Variants in CBL observed in about 807,000 individuals in gnomAD.
CBL encodes the protein Cbl proto-oncogene.
CBL carries 45 observed loss-of-function variants against 96.9 expected under a neutral mutation model. The ratio of observed to expected loss-of-function variants is 0.46; its 90% CI spans 0.37 to 0.60. The LOEUF (loss-of-function observed/expected upper bound fraction) is 0.60. Ranked by LOEUF, CBL falls within the 20% of genes least tolerant of loss-of-function variation. The probability of loss-of-function intolerance (pLI) is 0.00; values close to 1 mark genes in which losing one functional copy is unlikely to be tolerated. For synonymous variants in CBL, 420 were observed against 426.8 expected (o/e 0.98, Z 0.20); for missense variants, 1,024 against 1,143.5 (o/e 0.90, Z 1.51).
intron 1 of CBL, among the ~76,000 whole-genome samples, chr11:119,227,489 T>A (rs1487086607): frequency 1.3e-5 from 2 of 152,126 alleles, no homozygotes; most frequent in Non-Finnish European, 2.9e-5. Flanking sequence ...CCTTATCTAC[T>A]AGTCACCCAG....
In CBL at chr11:119,300,872, A is replaced by G. The variant is rs1179667791; in HGVS notation, c.*1091A>G. The G allele has an allele frequency of 1.0e-5, 3 of 297,964 alleles. No homozygotes were observed. Among genetic ancestry groups the G allele is most frequent in the African/African-American group, 2.1e-5 (1 of 47,082 alleles). 18.5% of individuals were successfully genotyped at this position (297,964 alleles called of 1,614,324 possible). A position where few individuals can be genotyped will look rare whatever the true frequency, so the allele number is the denominator to read the frequency against. On this transcript the variant is annotated 3_prime_UTR_variant, in exon 16 of 16. Transcript: ENST00000264033. Reference sequence around the variant, plus strand: ...TTTTAGGAAGCTTCGTTCACATGCTATTTAAATGCACAAAATAGACAGTAA... The same window carrying G: ...TTTTAGGAAGCTTCGTTCACATGCTGTTTAAATGCACAAAATAGACAGTAA...
chr11:119,234,310 C>T lies in CBL; in HGVS notation c.443+1615C>T, dbSNP rs566762126. Among the ~76,000 whole-genome samples the T allele has an allele frequency of 5.9e-5, 9 of 152,216 alleles. No individual in the cohort carries two copies. The East Asian group carries it at 1.7e-3, about 29-fold the overall frequency. ...TGAGAGCCACTTCAGCTGGCCTGTCCATCTTTTCTTAAAAAGATTCTGAGT... is the reference window on the plus strand; with the variant it reads ...TGAGAGCCACTTCAGCTGGCCTGTCTATCTTTTCTTAAAAAGATTCTGAGT... On this transcript the variant is annotated intron_variant, in intron 2 of 15. Transcript: ENST00000264033.
Position 119,307,834 on chromosome 11 carries a change from A to AT in CBL, c.*8057dup, listed in dbSNP as rs1950160176. 4.8e-6 allele frequency: 1 copy of AT among 209,100 alleles called. No individual in the cohort carries two copies. The highest frequency in any genetic ancestry group is 5.9e-5 in the Admixed American group (1 of 16,912). The allele number at this position is 209,100 out of a possible 1,614,324, so 13.0% of individuals were successfully genotyped here. On this transcript the variant is annotated 3_prime_UTR_variant, in exon 16 of 16. Transcript: ENST00000264033. ...AAAACAAAACAAACACATAGGTGAGATTTTCGTGGACTATTTTAAAAATGT... is the reference window on the plus strand; with the variant it reads ...AAAACAAAACAAACACATAGGTGAGATTTTTCGTGGACTATTTTAAAAATGT...
At chr11:119,231,456 A>G (rs1324748829) in intron 1 of CBL, among the ~76,000 whole-genome samples, 1 of 151,132 alleles carries the variant, frequency 6.6e-6, no homozygotes, top group Non-Finnish European at 1.5e-5. Flanking sequence ...AAGTGCTGTA[A>G]TCCCAGCACT....
intron 2 of CBL, among the ~76,000 whole-genome samples, chr11:119,258,286 G>A (rs941551353): frequency 1.3e-5 from 2 of 152,136 alleles, no homozygotes; most frequent in East Asian, 3.9e-4. Flanking sequence ...TAAAGAAAGA[G>A]ATTTAAGTGG....
intron 1 of CBL, among the ~76,000 whole-genome samples, chr11:119,216,339 AATTTATTTATTT>A (rs113078166): frequency 2.3e-3 from 337 of 144,118 alleles, no homozygotes; most frequent in South Asian, 5.4e-3. Context: ...GACTTATTGT[AATTTATTTATTT>A]ATTTATTTAT....
intron 9 of CBL, among the ~76,000 whole-genome samples, chr11:119,282,139 ACCAGCCTGG>A (rs1166736383): frequency 6.9e-6 from 1 of 145,050 alleles, no homozygotes; most frequent in Non-Finnish European, 1.5e-5. Flanking sequence ...GAAGTTCCAT[ACCAGCCTGG>A]CCAGTGTGGT....
intron 2 of CBL, among the ~76,000 whole-genome samples, chr11:119,240,847 T>C (rs1251437462): frequency 6.6e-6 from 1 of 151,858 alleles, no homozygotes; most frequent in Non-Finnish European, 1.5e-5. Flanking sequence ...CTGAGGTGGG[T>C]GGATCACCTG....
At chr11:119,230,540 TA>T (rs1405703630) in intron 1 of CBL, among the ~76,000 whole-genome samples, 5 of 152,210 alleles carry the variant, frequency 3.3e-5, no homozygotes, top group Non-Finnish European at 7.3e-5. Flanking sequence ...ATACTGCTAA[TA>T]GCAAGAAAAC....
intron 9 of CBL, among the ~76,000 whole-genome samples, chr11:119,279,699 TA>T (rs1949919221): frequency 6.6e-6 from 1 of 152,174 alleles, no homozygotes; most frequent in South Asian, 2.1e-4. Context: ...CTTATTTCTG[TA>T]AAAAAATTTT....
Position 119,305,692 on chromosome 11 carries a change from CA to C in CBL, c.*5912del, listed in dbSNP as rs1950132771. ...GAGTTTTTACCGAGAGCTCTTTAGA[CA>C]GTATACCTGTGTCTTCTCTGGCAAT... is the stretch of plus-strand genomic sequence containing the variant. On this transcript the variant is annotated 3_prime_UTR_variant, in exon 16 of 16. Transcript: ENST00000264033. 1 of 225,004 alleles carries C rather than the reference CA, an allele frequency of 4.4e-6. No homozygotes were observed. Among genetic ancestry groups the C allele is most frequent in the South Asian group, 1.8e-4 (1 of 5,458 alleles). The allele number at this position is 225,004 out of a possible 1,614,324, so 13.9% of individuals were successfully genotyped here.
chr11:119,247,813 A>G (rs1448859437), intron 2 of CBL, among the ~76,000 whole-genome samples: 1 of 152,232 alleles, frequency 6.6e-6, no homozygotes, highest in African/African-American at 2.4e-5. Context: ...GTCCGTCTCA[A>G]ATAAAAATTA....
chr11:119,248,315 C>A (rs1458189348), intron 2 of CBL, among the ~76,000 whole-genome samples: 1 of 152,134 alleles, frequency 6.6e-6, no homozygotes, highest in African/African-American at 2.4e-5. Context: ...CAGAAATAAA[C>A]CCTCATACAT....
chr11:119,221,244 G>GA (rs564217596), intron 1 of CBL, among the ~76,000 whole-genome samples: 209 of 131,028 alleles, frequency 1.6e-3, no homozygotes, highest in South Asian at 1.9e-3. Context: ...CTCCATCTCA[G>GA]AAAAAAAAAA....
In CBL at chr11:119,300,268, CTT is replaced by C. The variant is rs1378162930; in HGVS notation, c.*488_*489del. 2.2e-6 allele frequency: 1 copy of C among 453,930 alleles called. No individual in the cohort carries two copies. Among genetic ancestry groups the C allele is most frequent in the Non-Finnish European group, 3.9e-6 (1 of 259,620 alleles). The allele number at this position is 453,930 out of a possible 1,614,324, so 28.1% of individuals were successfully genotyped here. On this transcript the variant is annotated 3_prime_UTR_variant, in exon 16 of 16. Coordinates refer to ENST00000264033, the MANE Select transcript of CBL (RefSeq NM_005188.4). ...TTAGGAAGGAATCTTTTTTTAAAGA[CTT>C]CCATCTACTGTGGTATTATACCCAA...
chr11:119,268,795 C>G (rs971639307), intron 2 of CBL, among the ~76,000 whole-genome samples: 1 of 152,178 alleles, frequency 6.6e-6, no homozygotes, highest in Non-Finnish European at 1.5e-5. Flanking sequence ...AAGGCAAGAT[C>G]GTGTTCAGGA....
Position 119,303,117 on chromosome 11 carries a change from A to G in CBL, c.*3336A>G, listed in dbSNP as rs886047789. 1 of 231,878 alleles carries G rather than the reference A, an allele frequency of 4.3e-6. No homozygotes were observed. Among genetic ancestry groups the G allele is most frequent in the Non-Finnish European group, 8.5e-6 (1 of 116,994 alleles). The allele number at this position is 231,878 out of a possible 1,614,324, so 14.4% of individuals were successfully genotyped here. A position where few individuals can be genotyped will look rare whatever the true frequency, so the allele number is the denominator to read the frequency against. ...CCAAACAGTCAACTCACAAATTTTT[A>G]TAACAAAATTTCCTTGTAAAAACTA... is the stretch of plus-strand genomic sequence containing the variant. On this transcript the variant is annotated 3_prime_UTR_variant, in exon 16 of 16. Transcript: ENST00000264033.
At chr11:119,261,129 G>T (rs538781605) in intron 2 of CBL, among the ~76,000 whole-genome samples, 2 of 151,730 alleles carry the variant, frequency 1.3e-5, no homozygotes, top group Admixed American at 1.3e-4. Context: ...GGCCAGGCTG[G>T]TCTCGAACTC....
intron 1 of CBL, among the ~76,000 whole-genome samples, chr11:119,208,946 T>G (rs956500571): frequency 5.9e-5 from 9 of 152,342 alleles, no homozygotes; most frequent in African/African-American, 1.4e-4. Context: ...TCACGGAAAG[T>G]AGGCTTCTAG....
Sources: gnomAD v4.1 joint callset for allele counts (sites outside exome capture counted in the v4.1 genomes callset) on GRCh38, gnomAD v4.1.1 for gene constraint, MANE v1.5 for transcripts, NCBI Gene and HGNC (gene_info 2026-07-23, HGNC 2026-07-21) for gene names.